The following FRMPD4 variants were observed in gnomAD, a reference collection of about 807,000 sequenced individuals.
FRMPD4 encodes the protein FERM and PDZ domain containing 4.
A neutral mutation model predicts 94.1 loss-of-function variants in FRMPD4; 22 were observed. The observed-to-expected ratio is 0.23, with a 90% confidence interval of 0.17 to 0.33. The LOEUF (loss-of-function observed/expected upper bound fraction) is 0.33, where lower values mean the gene tolerates loss of function less well. Ranked by LOEUF, FRMPD4 falls within the 10% of genes least tolerant of loss-of-function variation. FRMPD4 has a pLI of 1.00. For missense variants in FRMPD4, 1,111 were observed against 1,339.9 expected (o/e 0.83, Z 2.67); for synonymous variants, 631 against 548.6 (o/e 1.15, Z -2.10).
intron 3 of FRMPD4, among the ~76,000 whole-genome samples, chrX:12,059,808 G>C (rs1262282542): frequency 9.0e-6 from 1 of 111,440 alleles, no homozygotes; most frequent in East Asian, 2.8e-4. Context: ...TTATAGTGGG[G>C]TGGTATTGCA....
chrX:12,294,687 C>A (rs1396884220), intron 1 of FRMPD4, among the ~76,000 whole-genome samples: 1 of 111,722 alleles, frequency 9.0e-6, no homozygotes, highest in Non-Finnish European at 1.9e-5. Flanking sequence ...ATGGCTCCCA[C>A]ACTACAGAGT....
chrX:12,175,113 A>G (rs1310204629), intron 1 of FRMPD4, among the ~76,000 whole-genome samples: 1 of 112,304 alleles, frequency 8.9e-6, no homozygotes, highest in Non-Finnish European at 1.9e-5. Flanking sequence ...CATAGACTCA[A>G]TAAAAGATGG....
chrX:12,369,586 C>A, intron 1 of FRMPD4, among the ~76,000 whole-genome samples: 1 of 112,425 alleles, frequency 8.9e-6, no homozygotes, highest in South Asian at 3.7e-4. Context: ...TGGCCAATAA[C>A]CATGCCTGTG....
intron 1 of FRMPD4, among the ~76,000 whole-genome samples, chrX:12,148,666 C>T (rs1203806014): frequency 1.8e-5 from 2 of 112,558 alleles, no homozygotes; most frequent in African/African-American, 6.4e-5. Context: ...AAGAAGATGC[C>T]ATCTAGGACT....
chrX:12,616,959 A>G (rs987139007), intron 4 of FRMPD4, among the ~76,000 whole-genome samples: 17 of 112,860 alleles, frequency 1.5e-4, no homozygotes, highest in African/African-American at 4.8e-4. Flanking sequence ...GCTGCAGGGC[A>G]GTGACAGAGA....
rs377112838 is a variant in FRMPD4 at position 12,617,324 on chromosome X, A to T, written c.422+2443A>T. 1.4e-4 allele frequency among the ~76,000 whole-genome samples: 16 copies of T among 112,633 alleles called. No homozygotes were observed. In the East Asian group the frequency reaches 3.9e-3, roughly 27 times the overall value. On this transcript the variant is annotated intron_variant, in intron 4 of 16. Transcript: ENST00000675598. ...AGTATCCATAAATATTTTGCTGGGT[A>T]TAGCCATGTTTGCTCATTTGCATTT... is the stretch of plus-strand genomic sequence containing the variant.
rs919834376 is a variant in FRMPD4 at position 11,914,577 on chromosome X, C to T, written c.95+36559C>T. ...GAACCAAGCAAAACCAACTGGTGTC[C>T]TGTTGTATGCGTGTGTTGTAGAGCT... is the stretch of plus-strand genomic sequence containing the variant. On this transcript the variant is annotated intron_variant, in intron 3 of 18. Coordinates refer to the FRMPD4 transcript ENST00000640291. Among the ~76,000 whole-genome samples, 10 of 111,885 alleles carry T rather than the reference C, an allele frequency of 8.9e-5. No individual in the cohort carries two copies. In the Admixed American group the frequency reaches 9.5e-4, roughly 11 times the overall value.
At chrX:12,655,275 C>T (rs1479368797) in intron 4 of FRMPD4, among the ~76,000 whole-genome samples, 5 of 110,938 alleles carry the variant, frequency 4.5e-5, no homozygotes, top group Non-Finnish European at 9.5e-5. Flanking sequence ...ATCTTTTTTC[C>T]CCTAGAGAAT....
At chrX:12,155,897 A>C (rs1233327675) in intron 1 of FRMPD4, among the ~76,000 whole-genome samples, 1 of 78,624 alleles carries the variant, frequency 1.3e-5, no homozygotes, top group African/African-American at 6.7e-5. Flanking sequence ...ATTCATCTAC[A>C]TATAAATTTA....
intron 4 of FRMPD4, among the ~76,000 whole-genome samples, chrX:12,648,122 T>A (rs2059564526): frequency 9.0e-6 from 1 of 111,608 alleles, no homozygotes; most frequent in Non-Finnish European, 1.9e-5. Flanking sequence ...TCTGACACCA[T>A]AAATTCCCAA....
chrX:12,474,123 C>A (rs2148180229), intron 1 of FRMPD4, among the ~76,000 whole-genome samples: 1 of 110,001 alleles, frequency 9.1e-6, no homozygotes, highest in African/African-American at 3.4e-5. Context: ...TCTGTGAGAC[C>A]ACAGTGCAAT....
chrX:12,601,701 GA>G (rs2059085751), intron 2 of FRMPD4, among the ~76,000 whole-genome samples: 1 of 112,230 alleles, frequency 8.9e-6, no homozygotes, highest in African/African-American at 3.2e-5. Context: ...ATCTTACACA[GA>G]GAAGAAATTT....
intron 6 of FRMPD4, 125 bp from the exon 7 acceptor site, chrX:12,685,972 T>C (rs1438091022): frequency 8.6e-6 from 3 of 349,295 alleles, no homozygotes; most frequent in Non-Finnish European, 1.0e-5. Flanking sequence ...AATGCCTTGT[T>C]GGCCTTAGAG....
intron 1 of FRMPD4, among the ~76,000 whole-genome samples, chrX:12,415,814 T>G (rs2056792724): frequency 8.9e-6 from 1 of 112,389 alleles, no homozygotes; most frequent in African/African-American, 3.2e-5. Context: ...GAATAGTGTA[T>G]TCTTTCACTT....
intron 4 of FRMPD4, among the ~76,000 whole-genome samples, chrX:12,664,701 G>A (rs2059756609): frequency 8.9e-6 from 1 of 111,793 alleles, no homozygotes; most frequent in Admixed American, 9.5e-5. Context: ...TTGGTATCAG[G>A]ACGATGCTGG....
chrX:12,018,687 G>T (rs1478560736), intron 3 of FRMPD4, among the ~76,000 whole-genome samples: 2 of 111,378 alleles, frequency 1.8e-5, no homozygotes, highest in Non-Finnish European at 3.8e-5. Context: ...AAAGTGCTAG[G>T]ATTACAGGTG....
chrX:12,472,924 C>G (rs2057534286), intron 1 of FRMPD4, among the ~76,000 whole-genome samples: 1 of 110,115 alleles, frequency 9.1e-6, no homozygotes, highest in Admixed American at 9.5e-5. Context: ...CCCAATCTAA[C>G]AAGGCAGGCC....
intron 4 of FRMPD4, among the ~76,000 whole-genome samples, chrX:12,666,905 T>C (rs183715818): frequency 8.9e-6 from 1 of 112,053 alleles, no homozygotes; most frequent in Non-Finnish European, 1.9e-5. Flanking sequence ...ATTCAAAAGC[T>C]AGCAGAAGAC....
chrX:12,460,400 T>C (rs2057379240), intron 1 of FRMPD4, among the ~76,000 whole-genome samples: 3 of 112,223 alleles, frequency 2.7e-5, no homozygotes, highest in Admixed American at 9.5e-5. Flanking sequence ...TTAGTTCTTA[T>C]GTTTGGAGAT....
Sources: gnomAD v4.1 joint callset for allele counts (sites outside exome capture counted in the v4.1 genomes callset) on GRCh38, gnomAD v4.1.1 for gene constraint, MANE v1.5 for transcripts, NCBI Gene and HGNC (gene_info 2026-07-23, HGNC 2026-07-21) for gene names.